DTWD2: variants seen among roughly 807,000 people sequenced by gnomAD.
DTWD2 encodes the protein tRNA-uridine aminocarboxypropyltransferase 2.
Under a neutral mutation model 31.8 loss-of-function variants are expected in DTWD2, and 39 were observed. The ratio of observed to expected loss-of-function variants is 1.22; its 90% confidence interval spans 0.95 to 1.60. The LOEUF (loss-of-function observed/expected upper bound fraction) is 1.60. DTWD2 is among the 40% of genes most tolerant of loss of function. The probability of loss-of-function intolerance (pLI) is 0.00; values close to 1 mark genes in which losing one functional copy is unlikely to be tolerated. For missense variants in DTWD2, 515 were observed against 381.5 expected (o/e 1.35, Z -2.92); for synonymous variants, 180 against 142.8 (o/e 1.26, Z -1.86).
intron 1 of DTWD2, 88 bp downstream of exon 1, chr5:118,988,206 C>G (rs1283265685): frequency 6.7e-7 from 1 of 1,494,658 alleles, no homozygotes; most frequent in Non-Finnish European, 9.0e-7. Flanking sequence ...CAGAGCTGCC[C>G]GAGCCGCCGA....
chr5:118,836,651 G>A lies in DTWD2; in HGVS notation c.*4266C>T, dbSNP rs1751576157. 6.6e-6 allele frequency among the ~76,000 whole-genome samples: 1 copy of A among 152,196 alleles called. No homozygotes were observed. The highest frequency in any genetic ancestry group is 1.5e-5 in the Non-Finnish European group (1 of 68,046). On this transcript the variant is annotated 3_prime_UTR_variant, in exon 6 of 6. Coordinates refer to ENST00000510708, the MANE Select transcript of DTWD2 (RefSeq NM_173666.4). Reference sequence around the variant, plus strand: ...ATTTGTGTCCCCACAAAACTCACAGGTTGAAACCTTAATTCCCGAGGTATA... The same window carrying A: ...ATTTGTGTCCCCACAAAACTCACAGATTGAAACCTTAATTCCCGAGGTATA...
At chr5:118,944,512 T>A in intron 2 of DTWD2, 47 bp downstream of exon 2, 1 of 1,559,088 alleles carries the variant, frequency 6.4e-7, no homozygotes, top group South Asian at 1.1e-5. Flanking sequence ...TGTTTCCTCT[T>A]GTGGACTCAT....
At chr5:118,859,817 C>T (rs1460479848) in intron 4 of DTWD2, among the ~76,000 whole-genome samples, 1 of 152,092 alleles carries the variant, frequency 6.6e-6, no homozygotes, top group Non-Finnish European at 1.5e-5. Flanking sequence ...GGAATAAATA[C>T]TTAGTATATA....
intron 1 of DTWD2, among the ~76,000 whole-genome samples, chr5:118,973,451 T>G (rs1277395580): frequency 1.3e-5 from 2 of 152,198 alleles, no homozygotes; most frequent in African/African-American, 4.8e-5. Flanking sequence ...GCAGGCCTGG[T>G]GGTGACAAAA....
Position 118,914,868 on chromosome 5 carries a change from T to C in DTWD2, c.597+13669A>G, listed in dbSNP as rs553415374. ...GCCATTTGGCTAGCATCCTGGGTGA[T>C]GAATACACATTCAATAAAATTTGTC... On this transcript the variant is annotated intron_variant, in intron 4 of 5. Coordinates refer to ENST00000510708, the MANE Select transcript of DTWD2 (RefSeq NM_173666.4). 4.6e-5 allele frequency among the ~76,000 whole-genome samples: 7 copies of C among 152,332 alleles called. No individual in the cohort carries two copies. The South Asian group carries it at 1.4e-3, about 32-fold the overall frequency.
intron 1 of DTWD2, among the ~76,000 whole-genome samples, chr5:118,977,095 T>G (rs1280537734): frequency 1.3e-5 from 2 of 152,342 alleles, no homozygotes; most frequent in African/African-American, 2.4e-5. Context: ...ACCACATGAT[T>G]ATCTCAAAAA....
intron 5 of DTWD2, among the ~76,000 whole-genome samples, chr5:118,844,596 A>G (rs1751804315): frequency 6.6e-6 from 1 of 152,218 alleles, no homozygotes; most frequent in Non-Finnish European, 1.5e-5. Context: ...TATATTACAG[A>G]TAAGAACACA....
chr5:118,878,683 A>T (rs1752672585), intron 4 of DTWD2, among the ~76,000 whole-genome samples: 1 of 152,232 alleles, frequency 6.6e-6, no homozygotes, highest in Non-Finnish European at 1.5e-5. Flanking sequence ...TAAACTGAAG[A>T]GTTTCTGCAT....
chr5:118,895,674 G>A (rs1312583329), intron 4 of DTWD2, among the ~76,000 whole-genome samples: 1 of 152,072 alleles, frequency 6.6e-6, no homozygotes, highest in Non-Finnish European at 1.5e-5. Context: ...ATAGACCAGT[G>A]GAACAGAATA....
intron 4 of DTWD2, among the ~76,000 whole-genome samples, chr5:118,890,948 C>T (rs114762867): frequency 0.015 from 2,232 of 151,592 alleles, 47 homozygotes; most frequent in African/African-American, 0.051. Context: ...ATAAAATGTG[C>T]AAGTTCCTTA....
intron 4 of DTWD2, among the ~76,000 whole-genome samples, chr5:118,882,367 CTG>C (rs1752760843): frequency 6.6e-6 from 1 of 152,230 alleles, no homozygotes; most frequent in African/African-American, 2.4e-5. Context: ...CATTGAGTAT[CTG>C]TGGCTTTTCC....
chr5:118,843,365 G>A (rs1210665151), intron 5 of DTWD2, among the ~76,000 whole-genome samples: 1 of 113,426 alleles, frequency 8.8e-6, no homozygotes, highest in Non-Finnish European at 1.7e-5. Flanking sequence ...GAGGAAGGGA[G>A]GAAGGGAGGA....
intron 4 of DTWD2, among the ~76,000 whole-genome samples, chr5:118,868,557 T>G (rs1003797905): frequency 1.3e-5 from 2 of 151,940 alleles, no homozygotes; most frequent in African/African-American, 4.8e-5. Context: ...TTCCTACAAC[T>G]CAACAACAAA....
At position 118,944,651 on chromosome 5, in the gene DTWD2, TA is replaced by T; in HGVS notation, c.219-3del. On this transcript the variant is annotated splice_polypyrimidine_tract_variant and splice_region_variant and intron_variant, in intron 1 of 5. Transcript: ENST00000510708. ...CACAAACACACTTTCTGAGGCCGGCTAAAGGGTAAAAAGAAAAATAAAACTG... is the reference window on the plus strand; with the variant it reads ...CACAAACACACTTTCTGAGGCCGGCTAAGGGTAAAAAGAAAAATAAAACTG... 6.2e-7 allele frequency: 1 copy of T among 1,610,330 alleles called. No homozygotes were observed. The highest frequency in any genetic ancestry group is 8.5e-7 in the Non-Finnish European group (1 of 1,178,952).
chr5:118,981,019 G>C (rs1400124656), intron 1 of DTWD2, among the ~76,000 whole-genome samples: 1 of 152,222 alleles, frequency 6.6e-6, no homozygotes, highest in Non-Finnish European at 1.5e-5. Flanking sequence ...TTCAGCCACA[G>C]AATTCAGTGA....
intron 4 of DTWD2, among the ~76,000 whole-genome samples, chr5:118,879,597 G>A (rs950032795): frequency 1.4e-4 from 19 of 134,456 alleles, no homozygotes; most frequent in Admixed American, 1.1e-3. Context: ...GCGACAGAGC[G>A]AGACTACAGC....
rs926226529 is a variant in DTWD2 at position 118,928,420 on chromosome 5, C to T, written c.597+117G>A. 15 of 629,292 alleles carry T rather than the reference C, an allele frequency of 2.4e-5. No homozygotes were observed. In the East Asian group the frequency reaches 4.9e-4, roughly 21 times the overall value. 39.0% of individuals were successfully genotyped at this position (629,292 alleles called of 1,614,324 possible). On this transcript the variant is annotated intron_variant, in intron 4 of 5. Coordinates refer to ENST00000510708, the MANE Select transcript of DTWD2 (RefSeq NM_173666.4). Reference sequence around the variant, plus strand: ...TATATCTAGGTACTATATATTCACACATAGAAATACCACCAAATTCATATA... The same window carrying T: ...TATATCTAGGTACTATATATTCACATATAGAAATACCACCAAATTCATATA...
At chr5:118,949,774 G>A (rs1754418329) in intron 1 of DTWD2, among the ~76,000 whole-genome samples, 1 of 152,228 alleles carries the variant, frequency 6.6e-6, no homozygotes, top group Middle Eastern at 3.4e-3. Flanking sequence ...TGTGAAGGAG[G>A]CTTTGAACTG....
At chr5:118,982,964 C>T (rs1263999343) in intron 1 of DTWD2, among the ~76,000 whole-genome samples, 1 of 152,188 alleles carries the variant, frequency 6.6e-6, no homozygotes, top group Admixed American at 6.5e-5. Context: ...GCTGGGACTA[C>T]AGGCATGAGC....
Sources: gnomAD v4.1 joint callset for allele counts (sites outside exome capture counted in the v4.1 genomes callset) on GRCh38, gnomAD v4.1.1 for gene constraint, MANE v1.5 for transcripts, NCBI Gene and HGNC (gene_info 2026-07-23, HGNC 2026-07-21) for gene names.